PTPRD: variants seen among roughly 807,000 people sequenced by gnomAD.
The protein encoded by PTPRD is protein tyrosine phosphatase receptor type D.
In PTPRD, 34 loss-of-function variants were observed where a neutral mutation model predicts 214.5. The observed-to-expected ratio is 0.16, with a 90% CI of 0.12 to 0.21. The LOEUF (loss-of-function observed/expected upper bound fraction) is 0.21. Among genes scored for constraint, PTPRD ranks in the 10% least tolerant of loss-of-function variants. The probability of loss-of-function intolerance (pLI) is 1.00; values close to 1 mark genes in which losing one functional copy is unlikely to be tolerated. For synonymous variants in PTPRD, 1,128 were observed against 845.7 expected (o/e 1.33, Z -5.79); for missense variants, 2,545 against 2,398.7 (o/e 1.06, Z -1.27).
At chr9:10,102,045 G>C (rs1449214140) in intron 3 of PTPRD, among the ~76,000 whole-genome samples, 1 of 151,664 alleles carries the variant, frequency 6.6e-6, no homozygotes, top group Non-Finnish European at 1.5e-5. Flanking sequence ...TTTTAATGTT[G>C]ATTAATCACA....
chr9:9,644,823 C>A (rs1205266440), intron 7 of PTPRD, among the ~76,000 whole-genome samples: 2 of 152,272 alleles, frequency 1.3e-5, no homozygotes, highest in Non-Finnish European at 2.9e-5. Flanking sequence ...AGAGAAGAAG[C>A]ATCTCAACGT....
intron 8 of PTPRD, among the ~76,000 whole-genome samples, chr9:9,454,394 G>T (rs1229990989): frequency 6.6e-6 from 1 of 151,672 alleles, no homozygotes; most frequent in African/African-American, 2.4e-5. Flanking sequence ...GCATATCACT[G>T]CAGTATTTTG....
At chr9:8,677,531 G>A (rs577013532) in intron 12 of PTPRD, among the ~76,000 whole-genome samples, 191 of 152,156 alleles carry the variant, frequency 1.3e-3, no homozygotes, top group Non-Finnish European at 1.9e-3. Flanking sequence ...GAGGGTGGAG[G>A]GTGAGGAGGG....
intron 10 of PTPRD, among the ~76,000 whole-genome samples, chr9:9,174,208 C>T (rs1021522409): frequency 6.6e-6 from 1 of 152,092 alleles, no homozygotes; most frequent in African/African-American, 2.4e-5. Context: ...CTATTGTCTC[C>T]ATGTAACAGA....
In PTPRD at chr9:9,066,845, C is replaced by G. The variant is rs116204212; in HGVS notation, c.-142-48110G>C. The stretch of plus-strand genomic sequence containing the variant: ...ATCTAGCTGACACCTTAATTTTGAC[C>G]CAGTGACTCTGATTTTGTTCTTCTG... On this transcript the variant is annotated intron_variant, in intron 10 of 45. Transcript: ENST00000381196. 2.1e-3 allele frequency among the ~76,000 whole-genome samples: 318 copies of G among 152,262 alleles called. 2 individuals are homozygous for G. Among genetic ancestry groups the G allele is most frequent in the African/African-American group, 7.0e-3 (290 of 41,542 alleles).
chr9:9,051,657 T>C (rs1418912317), intron 10 of PTPRD, among the ~76,000 whole-genome samples: 1 of 152,080 alleles, frequency 6.6e-6, no homozygotes, highest in Non-Finnish European at 1.5e-5. Context: ...ATAAAATAAG[T>C]TAATGTTAGG....
At chr9:9,942,820 C>A (rs1309006404) in intron 4 of PTPRD, among the ~76,000 whole-genome samples, 1 of 151,264 alleles carries the variant, frequency 6.6e-6, no homozygotes, top group African/African-American at 2.4e-5. Flanking sequence ...CAATTTATAA[C>A]ATTCTTTATC....
At chr9:10,496,955 T>C (rs1179519820) in intron 2 of PTPRD, among the ~76,000 whole-genome samples, 2 of 151,896 alleles carry the variant, frequency 1.3e-5, no homozygotes, top group Non-Finnish European at 2.9e-5. Context: ...AAGCATGAAA[T>C]ACTACACAGC....
At chr9:10,009,443 T>C (rs567192035) in intron 4 of PTPRD, among the ~76,000 whole-genome samples, 1 of 151,924 alleles carries the variant, frequency 6.6e-6, no homozygotes, top group East Asian at 1.9e-4. Flanking sequence ...AGGTCATAGG[T>C]GGATTCACAG....
At chr9:9,209,190 C>G (rs1053152047) in intron 9 of PTPRD, among the ~76,000 whole-genome samples, 1 of 152,116 alleles carries the variant, frequency 6.6e-6, no homozygotes, top group African/African-American at 2.4e-5. Context: ...TACTAAGCCT[C>G]TATTCCTAAT....
intron 7 of PTPRD, among the ~76,000 whole-genome samples, chr9:9,604,567 G>C (rs1320656338): frequency 1.3e-5 from 2 of 151,954 alleles, no homozygotes; most frequent in Non-Finnish European, 2.9e-5. Flanking sequence ...TATTCATTTT[G>C]TTCTACAAAG....
intron 8 of PTPRD, among the ~76,000 whole-genome samples, chr9:9,453,044 A>T (rs955747514): frequency 2.0e-5 from 3 of 149,860 alleles, no homozygotes; most frequent in African/African-American, 7.3e-5. Flanking sequence ...CTCCATATAC[A>T]TACTGGAAAT....
chr9:8,993,751 T>G (rs1039378337), intron 11 of PTPRD, among the ~76,000 whole-genome samples: 3 of 152,124 alleles, frequency 2.0e-5, no homozygotes, highest in African/African-American at 7.2e-5. Context: ...AAGGAAGAGT[T>G]TCTCAGACTT....
intron 8 of PTPRD, among the ~76,000 whole-genome samples, chr9:9,425,119 G>C (rs2080314776): frequency 6.6e-6 from 1 of 152,024 alleles, no homozygotes; most frequent in South Asian, 2.1e-4. Flanking sequence ...AATCATGACA[G>C]ACCATATGAA....
chr9:8,693,642 G>A (rs936935205), intron 12 of PTPRD, among the ~76,000 whole-genome samples: 3 of 152,166 alleles, frequency 2.0e-5, no homozygotes, highest in Non-Finnish European at 4.4e-5. Context: ...CTGAGAAATC[G>A]CTCTCTGGTT....
chr9:10,499,783 C>T (rs2043118292), intron 2 of PTPRD, among the ~76,000 whole-genome samples: 1 of 151,772 alleles, frequency 6.6e-6, no homozygotes, highest in Admixed American at 6.6e-5. Context: ...ATTATTTTTC[C>T]ACTATCCAAA....
chr9:8,878,659 C>T (rs1406062611), intron 11 of PTPRD, among the ~76,000 whole-genome samples: 1 of 152,056 alleles, frequency 6.6e-6, no homozygotes, highest in Admixed American at 6.5e-5. Flanking sequence ...TCCTGAGTAG[C>T]TGGAATTACA....
chr9:8,946,580 T>C (rs909817192), intron 11 of PTPRD, among the ~76,000 whole-genome samples: 1 of 152,156 alleles, frequency 6.6e-6, no homozygotes, highest in African/African-American at 2.4e-5. Flanking sequence ...TTCAACACTC[T>C]TGCATTCTTC....
intron 3 of PTPRD, among the ~76,000 whole-genome samples, chr9:10,125,622 T>TTGTATG (rs371347952): frequency 1.3e-4 from 18 of 139,296 alleles, no homozygotes; most frequent in African/African-American, 4.8e-4. Context: ...GCTCGGCTAA[T>TTGTATG]TGTGTGTGTG....
Sources: gnomAD v4.1 joint callset for allele counts (sites outside exome capture counted in the v4.1 genomes callset) on GRCh38, gnomAD v4.1.1 for gene constraint, MANE v1.5 for transcripts, NCBI Gene and HGNC (gene_info 2026-07-23, HGNC 2026-07-21) for gene names.